Variants in SLC27A6 observed in about 807,000 individuals in gnomAD.
SLC27A6 encodes the protein long-chain fatty acid transport protein 6.
Under a neutral mutation model 63.9 loss-of-function variants are expected in SLC27A6, and 74 were observed. The ratio of observed to expected loss-of-function variants is 1.16; its 90% CI spans 0.96 to 1.40. The LOEUF (loss-of-function observed/expected upper bound fraction) is 1.40, where lower values mean the gene tolerates loss of function less well. Ranked by LOEUF, SLC27A6 falls within the 40% of genes most tolerant of loss-of-function variation. SLC27A6 has a pLI of 0.00. For synonymous variants in SLC27A6, 287 were observed against 260.8 expected (o/e 1.10, Z -0.97); for missense variants, 794 against 732.9 (o/e 1.08, Z -0.96).
intron 4 of SLC27A6, among the ~76,000 whole-genome samples, chr5:128,990,803 C>A (rs1347095360): frequency 6.6e-6 from 1 of 152,204 alleles, no homozygotes; most frequent in East Asian, 1.9e-4. Context: ...TTAGGACGAA[C>A]CTGGGCACTT....
At chr5:129,006,246 G>A (rs376129018) in intron 4 of SLC27A6, among the ~76,000 whole-genome samples, 18 of 150,612 alleles carry the variant, frequency 1.2e-4, no homozygotes, top group East Asian at 4.0e-4. Context: ...GCCAGCTGCC[G>A]TGCCCGCCTA....
At chr5:129,014,356 G>C (rs1751822351) in intron 4 of SLC27A6, among the ~76,000 whole-genome samples, 2 of 152,172 alleles carry the variant, frequency 1.3e-5, no homozygotes, top group African/African-American at 4.8e-5. Context: ...AAGCTGTTTT[G>C]AAGGAAGTTT....
chr5:128,990,519 A>G (rs970184422), intron 4 of SLC27A6, 55 bp downstream of exon 4: 2 of 1,513,100 alleles, frequency 1.3e-6, no homozygotes, highest in Middle Eastern at 1.8e-4. Context: ...GTATTGAGAT[A>G]GAAAAGGTTA....
rs199589860 is a variant in SLC27A6, at chr5:129,029,627, T to A, written c.1603T>A (p.Ser535Thr). Residue 535 changes from serine to threonine, a missense_variant, in exon 9 of 10, where the codon TCT becomes ACT. Coordinates refer to ENST00000262462, the MANE Select transcript of SLC27A6 (RefSeq NM_001017372.3). The part of the protein sequence containing the change: ...MASIILKPNT[S>T]LDLEKVYEQV... The stretch of plus-strand genomic sequence containing the variant: ...TTCTATTATTTTAAAACCAAATACA[T>A]CTTTAGATTTGGAAAAAGTTTATGA... 1.9e-4 allele frequency: 302 copies of A among 1,598,880 alleles called. 1 individual carries two copies. The highest frequency in any genetic ancestry group is 4.4e-5 in the Non-Finnish European group (51 of 1,171,976).
chr5:129,003,827 G>T (rs1170923054), intron 4 of SLC27A6, among the ~76,000 whole-genome samples: 1 of 151,912 alleles, frequency 6.6e-6, no homozygotes. Flanking sequence ...AATTAGCTAG[G>T]TGTGGTGGTG....
In SLC27A6 at chr5:129,015,259, T is replaced by C. The variant is rs112199662; in HGVS notation, c.970-626T>C. ...AGAATCCTGTATCTTCCTTTAATTC[T>C]AAAATATGAATGAAAAGTAAAACTG... On this transcript the variant is annotated intron_variant, in intron 4 of 9. Coordinates refer to ENST00000262462, the MANE Select transcript of SLC27A6 (RefSeq NM_001017372.3). Among the ~76,000 whole-genome samples, 384 of 152,290 alleles carry C rather than the reference T, an allele frequency of 2.5e-3. 2 individuals carry two copies. The highest frequency in any genetic ancestry group is 6.5e-3 in the Admixed American group (99 of 15,294).
At chr5:129,002,558 CTTCCTTCG>C (rs374534650) in intron 4 of SLC27A6, among the ~76,000 whole-genome samples, 32 of 89,346 alleles carry the variant, frequency 3.6e-4, no homozygotes, top group African/African-American at 1.1e-3. Flanking sequence ...CCCTTCCTTT[CTTCCTTCG>C]TTCCTTCGTT....
intron 9 of SLC27A6, 130 bp from the exon 10 acceptor site, chr5:129,032,972 TTAAA>T: frequency 2.1e-6 from 1 of 478,788 alleles, no homozygotes; most frequent in Non-Finnish European, 3.5e-6. Flanking sequence ...ATTTCTAGTG[TTAAA>T]TTATTAGAAA....
intron 4 of SLC27A6, among the ~76,000 whole-genome samples, chr5:129,015,058 T>G (rs1751847426): frequency 6.6e-6 from 1 of 152,214 alleles, no homozygotes; most frequent in African/African-American, 2.4e-5. Context: ...ATTTTATTGT[T>G]GTTGCTGATT....
chr5:128,983,700 C>G (rs985846866), intron 1 of SLC27A6, among the ~76,000 whole-genome samples: 4 of 152,132 alleles, frequency 2.6e-5, no homozygotes, highest in Non-Finnish European at 5.9e-5. Flanking sequence ...GGTTAGATTA[C>G]TAATTCTACC....
chr5:129,010,553 A>C (rs139190851), intron 4 of SLC27A6, among the ~76,000 whole-genome samples: 10 of 152,338 alleles, frequency 6.6e-5, no homozygotes, highest in Non-Finnish European at 1.2e-4. Context: ...GGAAAATGAC[A>C]GGAACTCAAT....
At chr5:129,018,730 A>G (rs1314387845) in intron 5 of SLC27A6, among the ~76,000 whole-genome samples, 2 of 152,076 alleles carry the variant, frequency 1.3e-5, no homozygotes, top group Non-Finnish European at 2.9e-5. Flanking sequence ...TGACTTTATT[A>G]TAATTTTCTA....
intron 1 of SLC27A6, among the ~76,000 whole-genome samples, chr5:128,983,456 C>T (rs1201365073): frequency 6.6e-6 from 1 of 151,810 alleles, no homozygotes; most frequent in Non-Finnish European, 1.5e-5. Flanking sequence ...CCATACCTGG[C>T]TATTTTTTTT....
At chr5:129,005,532 T>C (rs898168272) in intron 4 of SLC27A6, among the ~76,000 whole-genome samples, 1 of 152,054 alleles carries the variant, frequency 6.6e-6, no homozygotes, top group African/African-American at 2.4e-5. Context: ...GGTTATACTG[T>C]CTTTCTGACA....
At chr5:128,967,406 G>T (rs1749946738) in intron 1 of SLC27A6, among the ~76,000 whole-genome samples, 1 of 152,154 alleles carries the variant, frequency 6.6e-6, no homozygotes, top group Non-Finnish European at 1.5e-5. Context: ...TAATCTAAAT[G>T]GTTTATGCAG....
At chr5:128,996,245 AG>A (rs1751156317) in intron 4 of SLC27A6, among the ~76,000 whole-genome samples, 2 of 152,182 alleles carry the variant, frequency 1.3e-5, no homozygotes, top group African/African-American at 4.8e-5. Flanking sequence ...ATGTCAATGT[AG>A]AACACCCACA....
In SLC27A6 at chr5:129,021,804, G is replaced by A. The variant is rs149526894; in HGVS notation, c.1165-1816G>A. Reference sequence around the variant, plus strand: ...AAAATGCTGTGATATATTTAATTGCGTTTGAATTATAAAATTATTCAATTT... The same window carrying A: ...AAAATGCTGTGATATATTTAATTGCATTTGAATTATAAAATTATTCAATTT... On this transcript the variant is annotated intron_variant, in intron 5 of 9. Transcript: ENST00000262462. Among the ~76,000 whole-genome samples the A allele has an allele frequency of 4.2e-3, 640 of 152,230 alleles. 3 individuals carry two copies. The highest frequency in any genetic ancestry group is 0.017 in the Middle Eastern group (5 of 294).
Position 128,966,076 on chromosome 5 carries a change from C to G in SLC27A6, c.-62C>G. ...CTGCGGTCTCCGTGGAGAGCTGTGC[C>G]TGGAAGAGAAGGACGCTGGTGGGGG... On this transcript the variant is annotated 5_prime_UTR_variant, in exon 1 of 10. Transcript: ENST00000262462. 1 of 1,510,624 alleles carries G rather than the reference C, an allele frequency of 6.6e-7. No homozygotes were observed. The highest frequency in any genetic ancestry group is 8.8e-7 in the Non-Finnish European group (1 of 1,132,690). The allele number at this position is 1,510,624 out of a possible 1,614,324, so 93.6% of individuals were successfully genotyped here.
At chr5:128,968,096 C>A (rs991244245) in intron 1 of SLC27A6, among the ~76,000 whole-genome samples, 1 of 152,072 alleles carries the variant, frequency 6.6e-6, no homozygotes, top group East Asian at 1.9e-4. Context: ...TGAACTCATC[C>A]TTTTTTATGG....
Sources: allele counts gnomAD v4.1 joint callset (sites outside exome capture counted in the v4.1 genomes callset), GRCh38; gene constraint gnomAD v4.1.1; transcripts MANE v1.5; gene names NCBI Gene and HGNC (gene_info 2026-07-23, HGNC 2026-07-21).